The following ARID4B variants were observed in gnomAD, a reference collection of about 807,000 sequenced individuals.
ARID4B encodes AT-rich interaction domain 4B, also known as AT-rich interactive domain-containing protein 4B.
In ARID4B, 26 loss-of-function variants were observed where a neutral mutation model predicts 147.5. That is an observed-to-expected ratio of 0.18 (90% CI 0.13 to 0.24). The LOEUF (loss-of-function observed/expected upper bound fraction) is 0.24. Ranked by LOEUF, ARID4B falls within the 10% of genes least tolerant of loss-of-function variation. The pLI is 1.00. For synonymous variants in ARID4B, 512 were observed against 507.9 expected (o/e 1.01, Z -0.11); for missense variants, 1,179 against 1,511.5 (o/e 0.78, Z 3.65).
chr1:235,270,189 A>C (rs1438663039), intron 2 of ARID4B, among the ~76,000 whole-genome samples: 1 of 152,146 alleles, frequency 6.6e-6, no homozygotes, highest in Admixed American at 6.5e-5. Context: ...AGGCTGAGGC[A>C]GGAGAATGGT....
chr1:235,240,576 A>C, intron 7 of ARID4B, 125 bp from the exon 8 acceptor site: 1 of 844,758 alleles, frequency 1.2e-6, no homozygotes, highest in Non-Finnish European at 1.8e-6. Flanking sequence ...GCTAATTTAA[A>C]TCTTAAATCA....
intron 2 of ARID4B, among the ~76,000 whole-genome samples, chr1:235,280,662 G>A (rs6680604): frequency 2.5e-4 from 38 of 152,352 alleles, no homozygotes; most frequent in Middle Eastern, 3.4e-3. Flanking sequence ...CTCCTTGCTC[G>A]GTGCCTAACA....
At chr1:235,285,806 T>C (rs1391115561) in intron 2 of ARID4B, among the ~76,000 whole-genome samples, 1 of 152,174 alleles carries the variant, frequency 6.6e-6, no homozygotes, top group Non-Finnish European at 1.5e-5. Context: ...CAATCAGAAA[T>C]TGAATTTTTA....
intron 12 of ARID4B, among the ~76,000 whole-genome samples, chr1:235,224,195 A>T (rs1160112280): frequency 6.6e-6 from 1 of 152,154 alleles, no homozygotes; most frequent in Non-Finnish European, 1.5e-5. Context: ...CCTTACAAGC[A>T]TCTTCCCAGA....
At chr1:235,190,293 G>GA (rs1358954898) in intron 19 of ARID4B, among the ~76,000 whole-genome samples, 1 of 151,654 alleles carries the variant, frequency 6.6e-6, no homozygotes, top group Admixed American at 6.6e-5. Flanking sequence ...ACTAAAAATA[G>GA]AAAAACTAGC....
intron 11 of ARID4B, among the ~76,000 whole-genome samples, chr1:235,225,075 T>A (rs1667739623): frequency 2.2e-5 from 1 of 44,658 alleles, no homozygotes; most frequent in Non-Finnish European, 5.1e-5. Flanking sequence ...TTTGTTTTGT[T>A]TTTTTTACCA....
At chr1:235,258,143 T>C (rs571047539) in intron 3 of ARID4B, among the ~76,000 whole-genome samples, 2 of 152,156 alleles carry the variant, frequency 1.3e-5, no homozygotes, top group East Asian at 3.9e-4. Flanking sequence ...CCAGCCTGGT[T>C]AACATGGTGA....
chr1:235,263,480 C>T (rs944407333), intron 2 of ARID4B, among the ~76,000 whole-genome samples: 5 of 152,138 alleles, frequency 3.3e-5, no homozygotes, highest in African/African-American at 1.2e-4. Context: ...TTTATTAAAG[C>T]TGAATTTGAG....
intron 19 of ARID4B, among the ~76,000 whole-genome samples, chr1:235,193,612 G>GC (rs1246346406): frequency 1.3e-5 from 2 of 152,158 alleles, no homozygotes; most frequent in African/African-American, 4.8e-5. Context: ...GGTGCCCTTG[G>GC]ATCTACTAGT....
At chr1:235,265,060 CAA>C (rs57988002) in intron 2 of ARID4B, among the ~76,000 whole-genome samples, 9 of 120,258 alleles carry the variant, frequency 7.5e-5, no homozygotes, top group African/African-American at 1.2e-4. Flanking sequence ...AACTTCGTCT[CAA>C]AAAAAAAAAA....
At chr1:235,327,222 G>A (rs1675348198) in intron 1 of ARID4B, 1 of 327,336 alleles carries the variant, frequency 3.1e-6, no homozygotes, top group Non-Finnish European at 5.7e-6. Flanking sequence ...CTACGACAAT[G>A]ACGCCATTTC....
At chr1:235,205,051 C>T (rs1558199213) in intron 17 of ARID4B, among the ~76,000 whole-genome samples, 1 of 152,184 alleles carries the variant, frequency 6.6e-6, no homozygotes, top group Non-Finnish European at 1.5e-5. Context: ...AGGCCTCTGA[C>T]TTCTGTACTA....
chr1:235,199,200 T>C (rs1665710477), intron 17 of ARID4B, among the ~76,000 whole-genome samples: 1 of 152,140 alleles, frequency 6.6e-6, no homozygotes, highest in Non-Finnish European at 1.5e-5. Context: ...ACAGCAAACA[T>C]AATGTATAAT....
In ARID4B at chr1:235,305,763, A is replaced by T. The variant is rs1041240930; in HGVS notation, c.6+21151T>A. Among the ~76,000 whole-genome samples the T allele has an allele frequency of 1.3e-3, 194 of 152,298 alleles. 1 individual carries two copies. Among genetic ancestry groups the T allele is most frequent in the African/African-American group, 4.6e-3 (190 of 41,576 alleles). On this transcript the variant is annotated intron_variant, in intron 2 of 23. Coordinates refer to ENST00000264183, the MANE Select transcript of ARID4B (RefSeq NM_016374.6). ...CACTTGAACCGGGGAGTTCAAGATC[A>T]GCCTAGGCAACATAGTGAGACCCTG...
At chr1:235,267,615 G>A (rs1274396695) in intron 2 of ARID4B, among the ~76,000 whole-genome samples, 5 of 152,120 alleles carry the variant, frequency 3.3e-5, no homozygotes, top group African/African-American at 4.8e-5. Flanking sequence ...GGTGGATCAC[G>A]AGGTCAGGAG....
intron 18 of ARID4B, among the ~76,000 whole-genome samples, chr1:235,195,013 G>A (rs1665396995): frequency 6.6e-6 from 1 of 152,014 alleles, no homozygotes; most frequent in South Asian, 2.1e-4. Context: ...AAATAGATAA[G>A]CAAAGGCCGA....
chr1:235,248,470 CAG>C (rs1253175455), intron 6 of ARID4B, among the ~76,000 whole-genome samples: 3 of 151,994 alleles, frequency 2.0e-5, no homozygotes, highest in Non-Finnish European at 4.4e-5. Flanking sequence ...ATTTGGTAAA[CAG>C]GGAAAATAAA....
rs750111741 is a variant in ARID4B at position 235,175,405 on chromosome 1, A to G, written c.3449-6T>C. The stretch of plus-strand genomic sequence containing the variant: ...TTCACTATCACTACTATTTGCTGAA[A>G]GAGAAAGAAAAGATTTAATAAACAA... On this transcript the variant is annotated splice_polypyrimidine_tract_variant and splice_region_variant and intron_variant, in intron 21 of 23. Transcript: ENST00000264183. 1.1e-5 allele frequency: 18 copies of G among 1,597,648 alleles called. No individual in the cohort carries two copies. Among genetic ancestry groups the G allele is most frequent in the African/African-American group, 1.1e-4 (8 of 74,424 alleles).
chr1:235,259,510 A>G (rs1239118680), intron 3 of ARID4B, among the ~76,000 whole-genome samples: 1 of 151,522 alleles, frequency 6.6e-6, no homozygotes, highest in Non-Finnish European at 1.5e-5. Flanking sequence ...ACAAACATTG[A>G]TAAAAGGCTT....
Sources: allele counts gnomAD v4.1 joint callset (sites outside exome capture counted in the v4.1 genomes callset), GRCh38; gene constraint gnomAD v4.1.1; transcripts MANE v1.5; gene names NCBI Gene and HGNC (gene_info 2026-07-23, HGNC 2026-07-21).